GARIN3: variants seen among roughly 807,000 people sequenced by gnomAD.
GARIN3 encodes the protein Golgi-associated RAB2 interactor protein 3.
chr5:157,162,391 T>A, the GARIN3 span: 3 of 1,548,880 alleles, frequency 1.9e-6, no homozygotes, highest in African/African-American at 4.2e-5. Flanking sequence ...AAAGCTGGGA[T>A]GGGCTCCTCT....
At chr5:157,165,678 A>C in the GARIN3 span, 2 of 1,614,210 alleles carry the variant, frequency 1.2e-6, no homozygotes, top group Non-Finnish European at 1.7e-6. Context: ...ATAGCAAAAG[A>C]GATCTTCCCG....
At chr5:157,162,499 G>A in the GARIN3 span, 6 of 1,614,002 alleles carry the variant, frequency 3.7e-6, no homozygotes, top group Non-Finnish European at 5.1e-6. Context: ...GGATGTCATA[G>A]TGCCACTGAT....
chr5:157,164,559 C>A, the GARIN3 span, among the ~76,000 whole-genome samples: 2 of 152,196 alleles, frequency 1.3e-5, no homozygotes, highest in African/African-American at 4.8e-5. Flanking sequence ...AGTACTGATA[C>A]AATTCCTCAT....
the GARIN3 span, chr5:157,166,002 T>C: frequency 3.1e-6 from 5 of 1,614,160 alleles, no homozygotes; most frequent in Admixed American, 5.0e-5. Flanking sequence ...CTCTCCCTTT[T>C]TGTTTATCTG....
chr5:157,164,146 CTTT>C, the GARIN3 span, among the ~76,000 whole-genome samples: 4 of 127,198 alleles, frequency 3.1e-5, no homozygotes, highest in Admixed American at 7.9e-5. Context: ...AGTCTTTTGT[CTTT>C]TTTTTTTTTT....
the GARIN3 span, among the ~76,000 whole-genome samples, chr5:157,164,862 T>A: frequency 1.3e-5 from 2 of 149,150 alleles, no homozygotes; most frequent in East Asian, 3.9e-4. Context: ...AAAAAAAAAA[T>A]TATAAAAATT....
At chr5:157,162,786 A>C in the GARIN3 span, 1 of 1,614,188 alleles carries the variant, frequency 6.2e-7, no homozygotes, top group Non-Finnish European at 8.5e-7. Context: ...GAGAGGAGCC[A>C]TGTCGCTTGC....
At chr5:157,162,552 C>T in the GARIN3 span, 2 of 1,614,174 alleles carry the variant, frequency 1.2e-6, no homozygotes, top group South Asian at 2.2e-5. Flanking sequence ...CCACTTTGGC[C>T]TCTATGTTTT....
the GARIN3 span, chr5:157,162,611 T>C: frequency 6.2e-7 from 1 of 1,614,226 alleles, no homozygotes; most frequent in Non-Finnish European, 8.5e-7. Flanking sequence ...TCATGTGATG[T>C]GACCCTTGTT....
At chr5:157,163,188 C>G in the GARIN3 span, 1 of 1,614,124 alleles carries the variant, frequency 6.2e-7, no homozygotes, top group Non-Finnish European at 8.5e-7. Flanking sequence ...CCCCCGCCAT[C>G]GAGGTGGAAG....
At chr5:157,166,251 C>T in the GARIN3 span, 7 of 1,527,082 alleles carry the variant, frequency 4.6e-6, no homozygotes, top group South Asian at 9.1e-5. Context: ...TGCCCATCTC[C>T]CTACAGGACT....
the GARIN3 span, chr5:157,162,910 C>A: frequency 6.2e-7 from 1 of 1,614,208 alleles, no homozygotes; most frequent in Non-Finnish European, 8.5e-7. Context: ...CCTGCGGTGA[C>A]TTTCACCTGC....
At chr5:157,161,909 G>T in the GARIN3 span, 1 of 153,164 alleles carries the variant, frequency 6.5e-6, no homozygotes, top group Admixed American at 6.5e-5. Flanking sequence ...CTCAGAACAT[G>T]ATTTGCCAAT....
the GARIN3 span, chr5:157,163,156 C>T: frequency 6.2e-7 from 1 of 1,614,202 alleles, no homozygotes; most frequent in Non-Finnish European, 8.5e-7. Flanking sequence ...ACTCAAGCTG[C>T]TGTCTTGGGA....
the GARIN3 span, chr5:157,162,138 T>C: frequency 7.8e-6 from 3 of 384,088 alleles, no homozygotes; most frequent in African/African-American, 6.2e-5. Context: ...GTCTGTGGCT[T>C]TGACAGTCTC....
the GARIN3 span, chr5:157,163,074 G>C: frequency 1.7e-5 from 28 of 1,614,238 alleles, no homozygotes; most frequent in Non-Finnish European, 2.3e-5. Flanking sequence ...TGGAGATGAG[G>C]GGTCCCACTG....
chr5:157,163,113 C>T, the GARIN3 span: 2 of 1,614,268 alleles, frequency 1.2e-6, no homozygotes, highest in Non-Finnish European at 1.7e-6. Flanking sequence ...CTGCTGCACA[C>T]TTGCTGGTCG....
At chr5:157,163,807 AC>A in the GARIN3 span, 7 of 1,060,334 alleles carry the variant, frequency 6.6e-6, no homozygotes, top group Non-Finnish European at 6.6e-6. Context: ...TGTAATCCCA[AC>A]ACTTTGGGAG....
the GARIN3 span, chr5:157,165,973 G>T: frequency 1.2e-6 from 2 of 1,614,112 alleles, no homozygotes; most frequent in Non-Finnish European, 1.7e-6. Flanking sequence ...ATTCGGACAC[G>T]GTTGTGTACA....
Sources: allele counts gnomAD v4.1 joint callset (sites outside exome capture counted in the v4.1 genomes callset), GRCh38; gene constraint gnomAD v4.1.1; transcripts MANE v1.5; gene names NCBI Gene and HGNC (gene_info 2026-07-23, HGNC 2026-07-21).